The following CHN1 variants were observed in gnomAD, a reference collection of about 807,000 sequenced individuals.
CHN1 encodes the protein chimerin 1.
A neutral mutation model predicts 59.5 loss-of-function variants in CHN1; 37 were observed. The ratio of observed to expected loss-of-function variants is 0.62; its 90% CI spans 0.48 to 0.82. The LOEUF (loss-of-function observed/expected upper bound fraction) is 0.82, where lower values mean the gene tolerates loss of function less well. Ranked by LOEUF, CHN1 falls within the 40% of genes least tolerant of loss-of-function variation. The pLI, the probability that CHN1 is intolerant of heterozygous loss-of-function variation, is 0.00. For synonymous variants in CHN1, 206 were observed against 200.4 expected, an observed-to-expected ratio of 1.03 and a Z score of -0.24; for missense variants, 469 against 571.0, an observed-to-expected ratio of 0.82 and a Z score of 1.82.
intron 5 of CHN1, among the ~76,000 whole-genome samples, chr2:174,901,443 G>A (rs1688386814): frequency 6.6e-6 from 1 of 152,148 alleles, no homozygotes; most frequent in African/African-American, 2.4e-5. Context: ...TTTAGATTTA[G>A]AGTGAGACTC....
chr2:175,004,932 G>T lies in CHN1; in HGVS notation c.-20C>A. 2 of 1,529,862 alleles carry T rather than the reference G, an allele frequency of 1.3e-6. No homozygotes were observed. Among genetic ancestry groups the T allele is most frequent in the South Asian group, 2.4e-5 (2 of 82,212 alleles). The allele number at this position is 1,529,862 out of a possible 1,614,324, so 94.8% of individuals were successfully genotyped here. On this transcript the variant is annotated 5_prime_UTR_variant, in exon 1 of 13. Coordinates refer to ENST00000409900, the MANE Select transcript of CHN1 (RefSeq NM_001822.7). ...GGCCATTGTAAAGGCGCTCGCCGCC[G>T]CCCGCGAGTCCAGGCGCTCCTCCCA... is the stretch of plus-strand genomic sequence containing the variant.
intron 6 of CHN1, among the ~76,000 whole-genome samples, chr2:174,864,123 T>G (rs1246122371): frequency 6.6e-6 from 1 of 152,156 alleles, no homozygotes; most frequent in Non-Finnish European, 1.5e-5. Context: ...TTCTGTTTGT[T>G]TGCTTCTGTT....
intron 7 of CHN1, among the ~76,000 whole-genome samples, chr2:174,827,169 T>G (rs1021206270): frequency 5.9e-5 from 9 of 152,236 alleles, no homozygotes; most frequent in Admixed American, 5.9e-4. Flanking sequence ...TGACACTTTA[T>G]TATATTTGTA....
intron 1 of CHN1, among the ~76,000 whole-genome samples, chr2:174,984,567 C>A (rs1163683087): frequency 6.6e-6 from 1 of 152,040 alleles, no homozygotes; most frequent in African/African-American, 2.4e-5. Flanking sequence ...TGGGGTTTCA[C>A]CATATTGGCC....
chr2:174,904,168 C>T (rs1574147424), intron 5 of CHN1, among the ~76,000 whole-genome samples: 1 of 151,742 alleles, frequency 6.6e-6, no homozygotes, highest in African/African-American at 2.4e-5. Flanking sequence ...GAGGCTGAGG[C>T]AGGAGAATCG....
chr2:174,829,315 G>GT (rs1386854971), intron 7 of CHN1, among the ~76,000 whole-genome samples: 4 of 152,166 alleles, frequency 2.6e-5, no homozygotes, highest in African/African-American at 9.7e-5. Flanking sequence ...GTGGGAAAGG[G>GT]TGGGCTATTG....
intron 3 of CHN1, among the ~76,000 whole-genome samples, chr2:174,928,817 T>C (rs910972416): frequency 6.6e-6 from 1 of 152,234 alleles, no homozygotes; most frequent in African/African-American, 2.4e-5. Flanking sequence ...CTAAATTATT[T>C]TTCTCACTGC....
At chr2:174,950,458 G>A (rs1574202776) in intron 2 of CHN1, among the ~76,000 whole-genome samples, 1 of 151,826 alleles carries the variant, frequency 6.6e-6, no homozygotes, top group East Asian at 1.9e-4. Flanking sequence ...GTAGAGACGG[G>A]TTTCACCATG....
At chr2:174,888,177 A>C (rs1687945326) in intron 5 of CHN1, among the ~76,000 whole-genome samples, 1 of 152,226 alleles carries the variant, frequency 6.6e-6, no homozygotes, top group Non-Finnish European at 1.5e-5. Context: ...TTGAGTCATA[A>C]ATACATTTTT....
chr2:174,832,061 TAA>T (rs1685899261), intron 7 of CHN1, among the ~76,000 whole-genome samples: 1 of 152,118 alleles, frequency 6.6e-6, no homozygotes, highest in South Asian at 2.1e-4. Flanking sequence ...TCTTTGAAGC[TAA>T]GTCTGCATTA....
intron 5 of CHN1, among the ~76,000 whole-genome samples, chr2:174,914,041 G>A (rs560948506): frequency 2.1e-4 from 32 of 152,316 alleles, no homozygotes; most frequent in African/African-American, 5.5e-4. Flanking sequence ...CAAAGACTCC[G>A]AAGTCAGACA....
At chr2:174,844,551 G>A (rs1022661658) in intron 7 of CHN1, among the ~76,000 whole-genome samples, 1 of 152,170 alleles carries the variant, frequency 6.6e-6, no homozygotes, top group East Asian at 1.9e-4. Flanking sequence ...AAGGATACAT[G>A]AATGATTATC....
chr2:174,982,023 A>C (rs1691169579), intron 1 of CHN1, among the ~76,000 whole-genome samples: 1 of 151,786 alleles, frequency 6.6e-6, no homozygotes, highest in African/African-American at 2.4e-5. Flanking sequence ...TTCAATTCCC[A>C]CCTATGAGTG....
At chr2:174,990,236 T>C (rs919562991) in intron 1 of CHN1, among the ~76,000 whole-genome samples, 1 of 79,008 alleles carries the variant, frequency 1.3e-5, no homozygotes, top group East Asian at 3.3e-4. Context: ...GGTGTGTCTG[T>C]GTGTGTGTGT....
intron 4 of CHN1, among the ~76,000 whole-genome samples, chr2:174,916,405 C>T (rs62184786): frequency 0.3 from 46,106 of 151,940 alleles, 8,434 homozygotes; most frequent in Admixed American, 0.45. Flanking sequence ...TTCATAGACC[C>T]AGCTCTCAAA....
rs747373088 is a variant in CHN1 at position 174,812,499 on chromosome 2, G to C, written c.713-17C>G. On this transcript the variant is annotated splice_polypyrimidine_tract_variant and intron_variant, in intron 8 of 12. Transcript: ENST00000409900. The stretch of plus-strand genomic sequence containing the variant: ...AACCACAATCTAAGAAAAGAATAAA[G>C]AAAGGAAACATTCAATATTATTTTC... 1 of 1,610,906 alleles carries C rather than the reference G, an allele frequency of 6.2e-7. No homozygotes were observed. The highest frequency in any genetic ancestry group is 8.5e-7 in the Non-Finnish European group (1 of 1,179,006).
chr2:174,990,227 G>C (rs912761310), intron 1 of CHN1, among the ~76,000 whole-genome samples: 13 of 135,820 alleles, frequency 9.6e-5, no homozygotes, highest in Non-Finnish European at 1.9e-4. Context: ...TGTGTGTGTG[G>C]TGTGTCTGTG....
intron 1 of CHN1, among the ~76,000 whole-genome samples, chr2:174,990,335 G>A (rs927059079): frequency 8.3e-6 from 1 of 120,994 alleles, no homozygotes; most frequent in Non-Finnish European, 1.7e-5. Flanking sequence ...GTGCGGGGGG[G>A]CGGGCAAGAT....
At chr2:174,918,733 G>C (rs1688920162) in intron 3 of CHN1, among the ~76,000 whole-genome samples, 168 bp from the exon 4 acceptor site, 1 of 152,114 alleles carries the variant, frequency 6.6e-6, no homozygotes, top group African/African-American at 2.4e-5. Context: ...CATTTGGACT[G>C]GTCACTTCAT....
Sources: gnomAD v4.1 joint callset for allele counts (sites outside exome capture counted in the v4.1 genomes callset) on GRCh38, gnomAD v4.1.1 for gene constraint, MANE v1.5 for transcripts, NCBI Gene and HGNC (gene_info 2026-07-23, HGNC 2026-07-21) for gene names.